Variants in KRT40 observed in about 807,000 individuals in gnomAD.
KRT40 encodes keratin, type I cytoskeletal 40.
In KRT40, 47 loss-of-function variants were observed where a neutral mutation model predicts 43.5. The observed-to-expected ratio is 1.08, with a 90% CI of 0.86 to 1.38. The LOEUF is 1.38. KRT40 is among the 40% of genes most tolerant of loss of function. The probability of loss-of-function intolerance (pLI) is 0.00; values close to 1 mark genes in which losing one functional copy is unlikely to be tolerated. For synonymous variants in KRT40, 212 were observed against 214.0 expected, an observed-to-expected ratio of 0.99 and a Z score of 0.08; for missense variants, 573 against 523.6, an observed-to-expected ratio of 1.09 and a Z score of -0.92.
In KRT40 at chr17:40,984,104, C is replaced by A. The variant is rs749786437; in HGVS notation, c.170G>T (p.Gly57Val). The change falls in exon 1 of 7, where the codon GGT (glycine) becomes GTT (valine). Residue 57 changes from glycine (G) to valine (V), a missense_variant. Physicochemically the swap from Gly to Val is moderately radical, Grantham distance 109. Coordinates refer to ENST00000377755, the MANE Select transcript of KRT40 (RefSeq NM_001389244.1). Reference protein sequence around the residue: ...SFLSRSRGLTGCLLPCYFTGS... With the variant: ...SFLSRSRGLTVCLLPCYFTGS... The stretch of plus-strand genomic sequence containing the variant: ...AGTAAAGTAGCATGGCAGGAGGCAA[C>A]CAGTCAGCCCGCGAGACCTGGATAG... The A allele has an allele frequency of 6.8e-6, 11 of 1,613,888 alleles. No individual in the cohort carries two copies. In the South Asian group the frequency reaches 7.7e-5, roughly 11 times the overall value.
chr17:40,982,189 G>C (rs1365159533), intron 3 of KRT40, 118 bp downstream of exon 3: 3 of 1,006,584 alleles, frequency 3.0e-6, no homozygotes, highest in Non-Finnish European at 4.1e-6. Flanking sequence ...GCCTCAAGTA[G>C]TTTTATTCCA....
At position 40,983,130 on chromosome 17, in the gene KRT40, T is replaced by TG; in HGVS notation, c.448-3dup. The stretch of plus-strand genomic sequence containing the variant: ...ATTCTCTGCTTTCGTGCATAAGATC[T>TG]GGGAAGCAAGTCATTATGTGATAAA... On this transcript the variant is annotated splice_polypyrimidine_tract_variant and splice_region_variant and intron_variant, in intron 1 of 6. Transcript: ENST00000377755. 7.2e-7 allele frequency: 1 copy of TG among 1,380,508 alleles called. No individual in the cohort carries two copies. Among genetic ancestry groups the TG allele is most frequent in the Non-Finnish European group, 1.0e-6 (1 of 981,126 alleles). The allele number at this position is 1,380,508 out of a possible 1,614,324, so 85.5% of individuals were successfully genotyped here.
rs1333941014 is a variant in KRT40, at chr17:40,983,074, T to C, written c.502A>G (p.Lys168Glu). 1.3e-6 allele frequency: 2 copies of C among 1,486,836 alleles called. No homozygotes were observed. Among genetic ancestry groups the C allele is most frequent in the Non-Finnish European group, 1.9e-6 (2 of 1,069,026 alleles). 92.1% of individuals were successfully genotyped at this position (1,486,836 alleles called of 1,614,324 possible). A position where few individuals can be genotyped will look rare whatever the true frequency, so the allele number is the denominator to read the frequency against. ...SRLAVQLDNC[K>E]LATDDFKSKY... is the part of the protein sequence containing the mutation. ...GACTTAAAGTCATCAGTGGCCAGTT[T>C]GCAGTTGTCAAGCTGTACAGCAAGT... The change falls in exon 2 of 7, where the codon AAA becomes GAA. Residue 168 changes from lysine (K) to glutamate (E), a missense_variant. By Grantham distance (56) the Lys-to-Glu change is moderately conservative. Transcript: ENST00000377755.
upstream of KRT40, among the ~76,000 whole-genome samples, chr17:40,984,629 G>A (rs1912381524): frequency 6.6e-6 from 1 of 152,094 alleles, no homozygotes; most frequent in Non-Finnish European, 1.5e-5. Context: ...AATAATTATA[G>A]ATACAACTCA....
chr17:40,983,274 T>A (rs1164073832), intron 1 of KRT40, 146 bp from the exon 2 acceptor site: 16 of 491,600 alleles, frequency 3.3e-5, no homozygotes, highest in Non-Finnish European at 5.1e-5. Context: ...TTTATTAACC[T>A]TGTCACTTCA....
At position 40,982,473 on chromosome 17, in the gene KRT40, C is replaced by A; in HGVS notation, c.531-10G>T. 6.5e-7 allele frequency: 1 copy of A among 1,535,742 alleles called. No homozygotes were observed. On this transcript the variant is annotated splice_polypyrimidine_tract_variant and intron_variant, in intron 2 of 6. Transcript: ENST00000377755. ...CAGTTCACTCTCGTACCTTTCACAGCAAAAGAGAAATCCAACGCTTACTTT... is the reference window on the plus strand; with the variant it reads ...CAGTTCACTCTCGTACCTTTCACAGAAAAAGAGAAATCCAACGCTTACTTT...
Position 40,981,045 on chromosome 17 carries a change from C to T in KRT40, c.794G>A (p.Cys265Tyr), listed in dbSNP as rs721957. ...NRVLDEMRCQCETVLANNRRE... is the reference protein window; with the variant it reads ...NRVLDEMRCQYETVLANNRRE... Reference sequence around the variant, plus strand: ...GCGATTGTTGGCAAGCACCGTTTCACACTGACAGCGCATCTCATCCAGGAC... The same window carrying T: ...GCGATTGTTGGCAAGCACCGTTTCATACTGACAGCGCATCTCATCCAGGAC... Residue 265 changes from cysteine (C) to tyrosine (Y), a missense_variant, in exon 4 of 7, where the codon TGT becomes TAT. Physicochemically the swap from Cys to Tyr is radical, Grantham distance 194 (BLOSUM62 -2). Transcript: ENST00000377755. 0.56 allele frequency: 897,347 copies of T among 1,613,966 alleles called. 256,018 individuals carry two copies. Among genetic ancestry groups the T allele is most frequent in the African/African-American group, 0.85 (63,628 of 74,998 alleles).
At chr17:40,983,802 A>C in intron 1 of KRT40, 25 bp downstream of exon 1, 1 of 1,602,262 alleles carries the variant, frequency 6.2e-7, no homozygotes, top group Non-Finnish European at 8.5e-7. Flanking sequence ...AGGAAGGTGG[A>C]GCACTAGGGC....
intron 4 of KRT40, 32 bp downstream of exon 4, chr17:40,980,958 A>C (rs1912110951): frequency 6.2e-7 from 1 of 1,614,178 alleles, no homozygotes; most frequent in East Asian, 2.2e-5. Flanking sequence ...AGAAGTCTGT[A>C]AGCCTGACAT....
chr17:40,985,147 G>A (rs1318631223), upstream of KRT40, among the ~76,000 whole-genome samples: 1 of 152,112 alleles, frequency 6.6e-6, no homozygotes, highest in Non-Finnish European at 1.5e-5. Flanking sequence ...CAGAGTAGGG[G>A]CAAGGAACCC....
In KRT40 at chr17:40,978,837, G is replaced by C; in HGVS notation, c.1163C>G (p.Thr388Arg). The change falls in exon 6 of 7, where the codon ACG becomes AGG. Residue 388 changes from threonine to arginine, a missense_variant. Transcript: ENST00000377755. Reference protein sequence around the residue: ...VKARLEGEINTYWGLLDSEDS... With the variant: ...VKARLEGEINRYWGLLDSEDS... The stretch of plus-strand genomic sequence containing the variant: ...CTCGCTGTCCAGCAGGCCCCAGTAC[G>C]TGTTGATCTCACCCTCCAGCCGGGC... The C allele has an allele frequency of 6.2e-7, 1 of 1,612,784 alleles. No individual in the cohort carries two copies. The highest frequency in any genetic ancestry group is 8.5e-7 in the Non-Finnish European group (1 of 1,179,888).
Position 40,983,849 on chromosome 17 carries a change from G to T in KRT40, c.425C>A (p.Thr142Asn). ...VCPDYQRYFN[T>N]IEDLQQKILC... Reference sequence around the variant, plus strand: ...GACCTTTTGTTGGAGATCTTCAATGGTGTTGAAGTAACGCTGATAATCCGG... The same window carrying T: ...GACCTTTTGTTGGAGATCTTCAATGTTGTTGAAGTAACGCTGATAATCCGG... The change falls in exon 1 of 7, where the codon ACC becomes AAC. Residue 142 changes from threonine (T) to asparagine (N), a missense_variant. Physicochemically the swap from Thr to Asn is moderately conservative, Grantham distance 65. Coordinates refer to ENST00000377755, the MANE Select transcript of KRT40 (RefSeq NM_001389244.1). 6.2e-7 allele frequency: 1 copy of T among 1,614,028 alleles called. No homozygotes were observed. Among genetic ancestry groups the T allele is most frequent in the Non-Finnish European group, 8.5e-7 (1 of 1,179,912 alleles).
At chr17:40,985,615 A>C (rs997687151), upstream of KRT40, among the ~76,000 whole-genome samples, 2 of 152,200 alleles carry the variant, frequency 1.3e-5, no homozygotes, top group Admixed American at 6.5e-5. Context: ...CCAAACCAGA[A>C]GAACATATGT....
intron 3 of KRT40, among the ~76,000 whole-genome samples, chr17:40,981,920 C>A (rs1269547568): frequency 6.6e-6 from 1 of 151,884 alleles, no homozygotes. Context: ...GCCCTGTCAC[C>A]CAGGCTGGAG....
At chr17:40,984,438 T>C, upstream of KRT40, 1 of 601,816 alleles carries the variant, frequency 1.7e-6, no homozygotes, top group Non-Finnish European at 2.9e-6. Context: ...AACATCTCAT[T>C]AGAGTTGTTT....
chr17:40,986,732 T>TAA (rs5820387), upstream of KRT40, among the ~76,000 whole-genome samples: 1,576 of 146,776 alleles, frequency 0.011, 33 homozygotes, highest in East Asian at 0.092. Context: ...AAGGCCATGA[T>TAA]AAAAAAAAAA....
chr17:40,983,439 C>T (rs1047541500), intron 1 of KRT40, among the ~76,000 whole-genome samples: 5 of 152,136 alleles, frequency 3.3e-5, no homozygotes, highest in Non-Finnish European at 7.4e-5. Flanking sequence ...TATCCTCTCC[C>T]ATAATAATAG....
chr17:40,977,989 A>G lies in KRT40; in HGVS notation c.*208T>C. ...AACACGTTTTATTTGGAGATGAGCA[A>G]GAATGCTTTATGGGCTTCCAGTATA... is the stretch of plus-strand genomic sequence containing the variant. On this transcript the variant is annotated 3_prime_UTR_variant, in exon 7 of 7. Coordinates refer to ENST00000377755, the MANE Select transcript of KRT40 (RefSeq NM_001389244.1). 1 of 518,772 alleles carries G rather than the reference A, an allele frequency of 1.9e-6. No homozygotes were observed. 32.1% of individuals were successfully genotyped at this position (518,772 alleles called of 1,614,324 possible).
At position 40,978,088 on chromosome 17, in the gene KRT40, A is replaced by T; in HGVS notation, c.*109T>A. 1 of 770,014 alleles carries T rather than the reference A, an allele frequency of 1.3e-6. No homozygotes were observed. The highest frequency in any genetic ancestry group is 1.6e-5 in the South Asian group (1 of 63,798). 47.7% of individuals were successfully genotyped at this position (770,014 alleles called of 1,614,324 possible). Reference sequence around the variant, plus strand: ...GATACCTGGAGGGCAATTCCAGGATATGAGAGCCTCCTGGATTTGTGCTTC... The same window carrying T: ...GATACCTGGAGGGCAATTCCAGGATTTGAGAGCCTCCTGGATTTGTGCTTC... On this transcript the variant is annotated 3_prime_UTR_variant, in exon 7 of 7. Transcript: ENST00000377755.
Sources: allele counts gnomAD v4.1 joint callset (sites outside exome capture counted in the v4.1 genomes callset), GRCh38; gene constraint gnomAD v4.1.1; transcripts MANE v1.5; gene names NCBI Gene and HGNC (gene_info 2026-07-23, HGNC 2026-07-21).